The following SGTB variants were observed in gnomAD, a reference collection of about 807,000 sequenced individuals.
SGTB encodes small glutamine-rich tetratricopeptide repeat-containing protein beta.
In SGTB, 19 loss-of-function variants were observed where a neutral mutation model predicts 43.9. The observed-to-expected ratio is 0.43, with a 90% CI of 0.30 to 0.63. The LOEUF (loss-of-function observed/expected upper bound fraction) is 0.63. Among genes scored for constraint, SGTB ranks in the 30% least tolerant of loss-of-function variants. The pLI is 0.12. For synonymous variants in SGTB, 116 were observed against 117.3 expected (o/e 0.99, Z 0.07); for missense variants, 304 against 358.9 (o/e 0.85, Z 1.24).
At chr5:65,717,371 A>G (rs1758172081) in intron 2 of SGTB, among the ~76,000 whole-genome samples, 1 of 152,038 alleles carries the variant, frequency 6.6e-6, no homozygotes, top group Non-Finnish European at 1.5e-5. Context: ...TTATATGATG[A>G]TGGAAATGAT....
In SGTB at chr5:65,680,559, G is replaced by A. The variant is rs1312450425; in HGVS notation, c.619-3C>T. The stretch of plus-strand genomic sequence containing the variant: ...TCAAAGCTCAGTCCAGTTCCTGTCT[G>A]TAAAACAATTATATCTGAGAATCAG... On this transcript the variant is annotated splice_region_variant and splice_polypyrimidine_tract_variant and intron_variant, in intron 7 of 10. Coordinates refer to ENST00000381007, the MANE Select transcript of SGTB (RefSeq NM_019072.3). The A allele has an allele frequency of 1.2e-6, 2 of 1,613,968 alleles. No individual in the cohort carries two copies. The highest frequency in any genetic ancestry group is 2.2e-5 in the East Asian group (1 of 44,872).
chr5:65,720,431 T>C (rs1398937823), intron 2 of SGTB, among the ~76,000 whole-genome samples: 1 of 152,152 alleles, frequency 6.6e-6, no homozygotes, highest in Non-Finnish European at 1.5e-5. Context: ...AACATAACAG[T>C]TGCTGTGAAG....
intron 8 of SGTB, among the ~76,000 whole-genome samples, chr5:65,673,375 A>G (rs1227792577): frequency 3.9e-5 from 6 of 152,212 alleles, no homozygotes; most frequent in Admixed American, 3.9e-4. Flanking sequence ...ACAGACTGTT[A>G]GGAACCAGGC....
chr5:65,693,565 A>T (rs1382091387), intron 5 of SGTB, among the ~76,000 whole-genome samples: 1 of 151,942 alleles, frequency 6.6e-6, no homozygotes, highest in African/African-American at 2.4e-5. Flanking sequence ...TTTTTTTTTT[A>T]AATAGACACA....
At chr5:65,677,734 CA>C (rs1757310233) in intron 8 of SGTB, among the ~76,000 whole-genome samples, 1 of 152,090 alleles carries the variant, frequency 6.6e-6, no homozygotes, top group Non-Finnish European at 1.5e-5. Flanking sequence ...GAACTAAAGA[CA>C]AAAACCCCAT....
At chr5:65,692,351 A>C (rs149133819) in intron 5 of SGTB, among the ~76,000 whole-genome samples, 1 of 152,318 alleles carries the variant, frequency 6.6e-6, no homozygotes, top group East Asian at 1.9e-4. Flanking sequence ...ATTACTTATA[A>C]ATTACAAAAG....
rs766223036 is a variant in SGTB at position 65,712,955 on chromosome 5, A to C, written c.204+6T>G. 9.3e-6 allele frequency: 15 copies of C among 1,605,782 alleles called. 1 individual carries two copies. Among genetic ancestry groups the C allele is most frequent in the Non-Finnish European group, 1.3e-5 (15 of 1,173,720 alleles). ...AGTTAATAATGAGAAAATAATGACA[A>C]CATACCTTACAGAAGGAACTGGTAA... On this transcript the variant is annotated splice_donor_region_variant and intron_variant, in intron 3 of 10. Coordinates refer to ENST00000381007, the MANE Select transcript of SGTB (RefSeq NM_019072.3).
chr5:65,676,985 T>C (rs1757278713), intron 8 of SGTB, among the ~76,000 whole-genome samples: 1 of 143,954 alleles, frequency 6.9e-6, no homozygotes, highest in South Asian at 2.2e-4. Context: ...AGAGCTGAAC[T>C]GAAGGAGATA....
At chr5:65,722,490 C>T, upstream of SGTB, 2 of 1,316,454 alleles carry the variant, frequency 1.5e-6, no homozygotes, top group Non-Finnish European at 2.1e-6. Flanking sequence ...GGAGCCCGGA[C>T]CCACCCCTTC....
chr5:65,676,094 A>C (rs1226279412), intron 8 of SGTB, among the ~76,000 whole-genome samples: 1 of 152,224 alleles, frequency 6.6e-6, no homozygotes, highest in Non-Finnish European at 1.5e-5. Flanking sequence ...CAAGAGACCC[A>C]CTATACATAC....
chr5:65,718,292 C>T (rs777104415), intron 2 of SGTB, among the ~76,000 whole-genome samples: 5 of 152,224 alleles, frequency 3.3e-5, no homozygotes, highest in Admixed American at 6.5e-5. Context: ...ACCAGCCACC[C>T]GCCTCACCCA....
At chr5:65,695,881 T>C (rs975973149) in intron 5 of SGTB, among the ~76,000 whole-genome samples, 1 of 152,216 alleles carries the variant, frequency 6.6e-6, no homozygotes, top group East Asian at 1.9e-4. Context: ...AATATCCTTA[T>C]TTTACAAGTG....
At chr5:65,680,597 A>G in intron 7 of SGTB, 41 bp from the exon 8 acceptor site, 1 of 1,613,906 alleles carries the variant, frequency 6.2e-7, no homozygotes. Flanking sequence ...CAGTATCTAC[A>G]ATTACAATAA....
At chr5:65,715,635 G>T (rs1018100851) in intron 2 of SGTB, among the ~76,000 whole-genome samples, 10 of 152,232 alleles carry the variant, frequency 6.6e-5, no homozygotes, top group Non-Finnish European at 5.9e-5. Flanking sequence ...AAACAGAAAA[G>T]ATCCCTAACC....
At chr5:65,711,340 A>AT (rs1758042777) in intron 3 of SGTB, among the ~76,000 whole-genome samples, 1 of 152,178 alleles carries the variant, frequency 6.6e-6, no homozygotes, top group Admixed American at 6.5e-5. Flanking sequence ...GTAAAAGTCA[A>AT]TTAGAGTTTC....
intron 8 of SGTB, among the ~76,000 whole-genome samples, chr5:65,672,635 C>G (rs954743389): frequency 1.3e-5 from 2 of 152,148 alleles, no homozygotes; most frequent in East Asian, 1.9e-4. Context: ...TCCAAACGAG[C>G]TTTTAAGAGA....
intron 6 of SGTB, among the ~76,000 whole-genome samples, chr5:65,683,656 T>A (rs1359922609): frequency 8.8e-6 from 1 of 113,542 alleles, no homozygotes; most frequent in African/African-American, 3.5e-5. Flanking sequence ...TCCTAGAGAG[T>A]GATGTATTTT....
At chr5:65,685,258 C>T (rs1347852109) in intron 6 of SGTB, 110 bp downstream of exon 6, 3 of 838,832 alleles carry the variant, frequency 3.6e-6, no homozygotes, top group Non-Finnish European at 5.7e-6. Context: ...TATTTATCCT[C>T]TTATTAGTTC....
intron 10 of SGTB, 87 bp from the exon 11 acceptor site, chr5:65,670,444 A>T: frequency 9.3e-7 from 1 of 1,077,826 alleles, no homozygotes; most frequent in Non-Finnish European, 1.4e-6. Context: ...TGTAGGAGCT[A>T]CCTAAAGGGG....
Sources: allele counts gnomAD v4.1 joint callset (sites outside exome capture counted in the v4.1 genomes callset), GRCh38; gene constraint gnomAD v4.1.1; transcripts MANE v1.5; gene names NCBI Gene and HGNC (gene_info 2026-07-23, HGNC 2026-07-21).